Variants in PCDHGA2 observed in about 807,000 individuals in gnomAD.
PCDHGA2 encodes the protein protocadherin gamma subfamily A, 2.
Under a neutral mutation model 59.2 loss-of-function variants are expected in PCDHGA2, and 40 were observed. The observed-to-expected ratio is 0.68, with a 90% CI of 0.52 to 0.88. The LOEUF (loss-of-function observed/expected upper bound fraction) is 0.88, where lower values mean the gene tolerates loss of function less well. Ranked by LOEUF, PCDHGA2 falls within the 40% of genes least tolerant of loss-of-function variation. The pLI is 0.00. For missense variants in PCDHGA2, 1,226 were observed against 1,204.0 expected (o/e 1.02, Z -0.27); for synonymous variants, 560 against 526.0 (o/e 1.06, Z -0.89).
chr5:141,418,998 G>A (rs757681244), intron 1 of PCDHGA2: 4 of 1,613,940 alleles, frequency 2.5e-6, no homozygotes, highest in South Asian at 2.2e-5. Context: ...GGGGAAAATG[G>A]GGAAGTCAGG....
Position 141,360,974 on chromosome 5 carries a change from C to G in PCDHGA2, c.2424+19579C>G, listed in dbSNP as rs578154507. On this transcript the variant is annotated intron_variant, in intron 1 of 3. Transcript: ENST00000394576. The stretch of plus-strand genomic sequence containing the variant: ...GGCATAAACGCAGAGATCACCTACT[C>G]CTTTCATAATGTGGACGAACAAGTG... The G allele has an allele frequency of 2.5e-6, 4 of 1,613,822 alleles. No individual in the cohort carries two copies. The South Asian group carries it at 4.4e-5, about 18-fold the overall frequency.
chr5:141,372,802 T>G, intron 1 of PCDHGA2: 1 of 1,594,058 alleles, frequency 6.3e-7, no homozygotes, highest in Non-Finnish European at 8.6e-7. Flanking sequence ...TCAGGCAATT[T>G]GCAAAAGGTG....
At chr5:141,345,764 G>T (rs770178324) in intron 1 of PCDHGA2, 6 of 1,614,190 alleles carry the variant, frequency 3.7e-6, no homozygotes, top group Non-Finnish European at 5.1e-6. Flanking sequence ...GCGTGGAGCT[G>T]GCGCCTCGCT....
At chr5:141,341,432 T>A (rs953979612) in intron 1 of PCDHGA2, 37 bp downstream of exon 1, 5 of 1,611,530 alleles carry the variant, frequency 3.1e-6, no homozygotes, top group Non-Finnish European at 3.4e-6. Flanking sequence ...ACTAGCTAGT[T>A]TGCTGAAGTA....
At chr5:141,416,711 C>G (rs962144454) in intron 1 of PCDHGA2, 1 of 152,152 alleles carries the variant, frequency 6.6e-6, no homozygotes, top group South Asian at 2.1e-4. Context: ...ATTGGAGGTA[C>G]TGATGAGTTC....
In PCDHGA2 at chr5:141,489,958, C is replaced by T; in HGVS notation, c.2425-4849C>T. 1 of 1,614,202 alleles carries T rather than the reference C, an allele frequency of 6.2e-7. No individual in the cohort carries two copies. The highest frequency in any genetic ancestry group is 8.5e-7 in the Non-Finnish European group (1 of 1,180,016). On this transcript the variant is annotated intron_variant, in intron 1 of 3. Transcript: ENST00000394576. This position sits in a 1 kb window ranked among gnomAD's most constrained non-coding sequence, Gnocchi z 4.5. ...CGTGCTGGACATCAATGATAATGCT[C>T]CAACCTTCCAATCCTCAGTTCTACG... is the stretch of plus-strand genomic sequence containing the variant.
In PCDHGA2 at chr5:141,491,841, A is replaced by T. The variant is rs995010359; in HGVS notation, c.2425-2966A>T. The T allele has an allele frequency of 1.4e-6, 2 of 1,465,172 alleles. No homozygotes were observed. The highest frequency in any genetic ancestry group is 1.4e-5 in the African/African-American group (1 of 69,948). 90.8% of individuals were successfully genotyped at this position (1,465,172 alleles called of 1,614,324 possible). ...TGCGCTCCACCCGATTCTCGGGATC[A>T]TTGGACCGTTTGCGCGAAACCAGAG... is the stretch of plus-strand genomic sequence containing the variant. On this transcript the variant is annotated intron_variant, in intron 1 of 3. Transcript: ENST00000394576. The surrounding 1 kb of genome is among the most constrained non-coding windows in gnomAD (Gnocchi z 6.9).
At position 141,399,778 on chromosome 5, in the gene PCDHGA2, C is replaced by T. The variant is rs187080333; in HGVS notation, c.2424+58383C>T. 2.5e-6 allele frequency: 4 copies of T among 1,613,250 alleles called. No individual in the cohort carries two copies. The South Asian group carries it at 3.3e-5, about 13-fold the overall frequency. On this transcript the variant is annotated intron_variant, in intron 1 of 3. Transcript: ENST00000394576. ...GAGCCTGCGCGTGTTGGTGGGCGAC[C>T]GAAACGACAACGCACCGCGGGTGCT...
chr5:141,403,353 A>T lies in PCDHGA2; in HGVS notation c.2424+61958A>T, dbSNP rs1335542003. The T allele has an allele frequency of 2.5e-6, 4 of 1,613,932 alleles. No individual in the cohort carries two copies. In the East Asian group the frequency reaches 6.7e-5, roughly 27 times the overall value. ...ATTAACGACAGCGCCCCAAAGTTCC[A>T]GGCCGAAAGTCTGGAAGTAAAAATT... On this transcript the variant is annotated intron_variant, in intron 1 of 3. Coordinates refer to ENST00000394576, the MANE Select transcript of PCDHGA2 (RefSeq NM_018915.4).
intron 1 of PCDHGA2, chr5:141,418,009 C>G (rs780624400): frequency 6.2e-7 from 1 of 1,613,776 alleles, no homozygotes; most frequent in African/African-American, 1.3e-5. Context: ...TGGGGAACCT[C>G]GCTAAGGATC....
intron 1 of PCDHGA2, chr5:141,357,115 A>T (rs1435860380): frequency 6.2e-7 from 1 of 1,613,684 alleles, no homozygotes; most frequent in Non-Finnish European, 8.5e-7. Context: ...AGACGCGCTC[A>T]AGCAGAGGCT....
Position 141,340,498 on chromosome 5 carries a change from C to T in PCDHGA2, c.1527C>T (p.Ser509=), listed in dbSNP as rs779782907. The change falls in exon 1 of 4, where the codon TCC becomes TCT. Residue 509 remains serine, a synonymous_variant. Transcript: ENST00000394576. ...APLSSYISIN[S]DTGVLYALRS... is the part of the protein sequence containing the mutation. ...TATCCTCTTACATCTCTATCAACTC[C>T]GACACTGGAGTACTCTATGCACTGC... is the stretch of plus-strand genomic sequence containing the variant. The T allele has an allele frequency of 6.8e-6, 11 of 1,614,196 alleles. No homozygotes were observed. The highest frequency in any genetic ancestry group is 1.3e-5 in the African/African-American group (1 of 75,050).
chr5:141,404,683 GGCACCCCGCTCT>G (rs1306876302), intron 1 of PCDHGA2: 2 of 1,614,070 alleles, frequency 1.2e-6, no homozygotes, highest in Admixed American at 1.7e-5. Context: ...GTGTGGAGCT[GGCACCCCGCTCT>G]GCAGAGCCTG....
intron 1 of PCDHGA2, among the ~76,000 whole-genome samples, chr5:141,381,833 T>C (rs1385600494): frequency 7.2e-5 from 10 of 138,622 alleles, no homozygotes; most frequent in African/African-American, 2.5e-4. Context: ...CTTCTTTTTT[T>C]TTTTTTTTTT....
rs756549446 is a variant in PCDHGA2 at position 141,477,301 on chromosome 5, C to G, written c.2425-17506C>G. 32 of 1,614,042 alleles carry G rather than the reference C, an allele frequency of 2.0e-5. 2 individuals carry two copies. In the South Asian group the frequency reaches 3.4e-4, roughly 17 times the overall value. On this transcript the variant is annotated intron_variant, in intron 1 of 3. Coordinates refer to ENST00000394576, the MANE Select transcript of PCDHGA2 (RefSeq NM_018915.4). The surrounding 1 kb of genome is among the most constrained non-coding windows in gnomAD (Gnocchi z 4.9). The stretch of plus-strand genomic sequence containing the variant: ...TGACCTGCGAAGTTCCACCGGGTCT[C>G]CCTTTCAGCCTTACTTCTTCCCTCA...
intron 1 of PCDHGA2, chr5:141,355,156 A>G: frequency 6.4e-7 from 1 of 1,554,072 alleles, no homozygotes; most frequent in Non-Finnish European, 8.7e-7. Context: ...TCAGGCCTCG[A>G]CAGAGGGAAA....
chr5:141,478,385 T>C (rs919846683), intron 1 of PCDHGA2: 1 of 1,613,628 alleles, frequency 6.2e-7, no homozygotes, highest in Non-Finnish European at 8.5e-7. Context: ...GCCGCACCTT[T>C]ACCATCAGGT....
At chr5:141,353,268 T>C (rs1759232072) in intron 1 of PCDHGA2, among the ~76,000 whole-genome samples, 1 of 152,236 alleles carries the variant, frequency 6.6e-6, no homozygotes, top group Non-Finnish European at 1.5e-5. Flanking sequence ...TGCAATACTA[T>C]ATTTTCAAGT....
rs1446432461 is a variant in PCDHGA2, at chr5:141,511,005, C to G, written c.2631C>G (p.Ala877=). 6.2e-7 allele frequency: 1 copy of G among 1,614,176 alleles called. No individual in the cohort carries two copies. Among genetic ancestry groups the G allele is most frequent in the Middle Eastern group, 1.6e-4 (1 of 6,062 alleles). ...GGGAGTMGLS[A]RYGPQFTLQH... is the part of the protein sequence containing the mutation. ...GTGCCGGCACCATGGGATTGAGCGC[C>G]CGCTACGGACCCCAGTTCACCCTGC... Residue 877 remains alanine, a synonymous_variant, in exon 4 of 4, where the codon GCC becomes GCG. Coordinates refer to ENST00000394576, the MANE Select transcript of PCDHGA2 (RefSeq NM_018915.4).
Sources: allele counts gnomAD v4.1 joint callset (sites outside exome capture counted in the v4.1 genomes callset), GRCh38; gene constraint gnomAD v4.1.1; non-coding constraint Gnocchi (gnomAD v3.1); transcripts MANE v1.5; gene names NCBI Gene and HGNC (gene_info 2026-07-23, HGNC 2026-07-21).